COL9A2: variants seen among roughly 807,000 people sequenced by gnomAD.
COL9A2 encodes the protein collagen type IX alpha 2 chain.
Under a neutral mutation model 111.6 loss-of-function variants are expected in COL9A2, and 66 were observed. That is an observed-to-expected ratio of 0.59 (90% CI 0.48 to 0.73). COL9A2 has a LOEUF of 0.73. COL9A2 is among the 30% of genes least tolerant of loss of function. The probability of loss-of-function intolerance (pLI) is 0.00; values close to 1 mark genes in which losing one functional copy is unlikely to be tolerated. For synonymous variants in COL9A2, 353 were observed against 364.1 expected (o/e 0.97, Z 0.35); for missense variants, 881 against 954.1 (o/e 0.92, Z 1.01).
rs893012699 is a variant in COL9A2, at chr1:40,310,233, G to A, written c.738+31C>T. Reference sequence around the variant, plus strand: ...AGGGGCCAGAAGGCAGCTCCTGGAAGCTCTTGTAGAACACCCCAAGATTCA... The same window carrying A: ...AGGGGCCAGAAGGCAGCTCCTGGAAACTCTTGTAGAACACCCCAAGATTCA... On this transcript the variant is annotated intron_variant, in intron 14 of 31. Transcript: ENST00000372748. This position sits in a 1 kb window ranked among gnomAD's most constrained non-coding sequence, Gnocchi z 4.9. The A allele has an allele frequency of 1.2e-6, 2 of 1,613,920 alleles. No homozygotes were observed. The highest frequency in any genetic ancestry group is 8.5e-7 in the Non-Finnish European group (1 of 1,179,772).
intron 22 of COL9A2, 61 bp from the exon 23 acceptor site, chr1:40,304,590 C>T (rs543645717): frequency 4.6e-4 from 736 of 1,590,944 alleles, no homozygotes; most frequent in Non-Finnish European, 5.8e-4. Flanking sequence ...CCTCCCGCAC[C>T]GAGGCCTGGC....
At position 40,316,573 on chromosome 1, in the gene COL9A2, G is replaced by C. The variant is rs749157511; in HGVS notation, c.75+550C>G. 23 of 453,960 alleles carry C rather than the reference G, an allele frequency of 5.1e-5. No individual in the cohort carries two copies. Among genetic ancestry groups the C allele is most frequent in the Admixed American group, 2.8e-4 (12 of 42,418 alleles). 28.1% of individuals were successfully genotyped at this position (453,960 alleles called of 1,614,324 possible). A position where few individuals can be genotyped will look rare whatever the true frequency, so the allele number is the denominator to read the frequency against. On this transcript the variant is annotated intron_variant, in intron 1 of 31. Transcript: ENST00000372748. The surrounding 1 kb of genome is among the most constrained non-coding windows in gnomAD (Gnocchi z 5.5). ...CCGGTGCCCACGACCTCCCCAGGCC[G>C]CGAAGTGCCAGGCTGGCGCCCCGCA...
Position 40,311,476 on chromosome 1 carries a change from C to T in COL9A2, c.519+24G>A, listed in dbSNP as rs750582984. 5.6e-6 allele frequency: 9 copies of T among 1,613,306 alleles called. No individual in the cohort carries two copies. Among genetic ancestry groups the T allele is most frequent in the Non-Finnish European group, 7.6e-6 (9 of 1,179,614 alleles). On this transcript the variant is annotated intron_variant, in intron 10 of 31. Transcript: ENST00000372748. This position sits in a 1 kb window ranked among gnomAD's most constrained non-coding sequence, Gnocchi z 5.1. The stretch of plus-strand genomic sequence containing the variant: ...TGTGGCCCCGCCCCCCTGTGTTAGC[C>T]CCGCCCCAGACCTCGTCTCTCACCA...
At position 40,304,784 on chromosome 1, in the gene COL9A2, A is replaced by G. The variant is rs117563156; in HGVS notation, c.1161+10T>C. 2 of 1,549,924 alleles carry G rather than the reference A, an allele frequency of 1.3e-6. No homozygotes were observed. The highest frequency in any genetic ancestry group is 1.4e-5 in the African/African-American group (1 of 73,026). ...GCCCCCGGGGAGGGGCCATTGTGCCAGGCACTTACCTTCTGTCCCATGATG... is the reference window on the plus strand; with the variant it reads ...GCCCCCGGGGAGGGGCCATTGTGCCGGGCACTTACCTTCTGTCCCATGATG... On this transcript the variant is annotated intron_variant, in intron 22 of 31. Coordinates refer to ENST00000372748, the MANE Select transcript of COL9A2 (RefSeq NM_001852.4).
rs1644180043 is a variant in COL9A2, at chr1:40,314,234, C to T, written c.220G>A (p.Asp74Asn). The change falls in exon 4 of 32, where the codon GAT (aspartate) becomes AAT (asparagine). Residue 74 changes from aspartate (D) to asparagine (N), a missense_variant. Physicochemically the swap from Asp to Asn is conservative, Grantham distance 23. Coordinates refer to ENST00000372748, the MANE Select transcript of COL9A2 (RefSeq NM_001852.4). This position sits in a 1 kb window ranked among gnomAD's most constrained non-coding sequence, Gnocchi z 4.1. The stretch of plus-strand genomic sequence containing the variant: ...ATCCCGGGCTTCCCGTCTGGCCCAT[C>T]TGGCCCAGCTTTGCCAGGCTCGCCC... Reference protein sequence around the residue: ...PKGEPGKAGPDGPDGKPGIDG... With the variant: ...PKGEPGKAGPNGPDGKPGIDG... 4 of 1,614,264 alleles carry T rather than the reference C, an allele frequency of 2.5e-6. No homozygotes were observed. The East Asian group carries it at 8.9e-5, about 36-fold the overall frequency.
chr1:40,304,868 G>T, intron 21 of COL9A2, 21 bp from the exon 22 acceptor site: 1 of 1,548,072 alleles, frequency 6.5e-7, no homozygotes, highest in Non-Finnish European at 8.7e-7. Context: ...GAGAAATTGG[G>T]GCTAAGCGTT....
chr1:40,301,710 C>T, intron 31 of COL9A2, 102 bp downstream of exon 31: 1 of 1,137,792 alleles, frequency 8.8e-7, no homozygotes, highest in Non-Finnish European at 1.3e-6. Flanking sequence ...AAGGACTGAG[C>T]TGGCTGAGCG....
At chr1:40,306,049 G>A (rs1644024814) in intron 20 of COL9A2, 94 bp downstream of exon 20, 1 of 1,443,666 alleles carries the variant, frequency 6.9e-7, no homozygotes, top group South Asian at 1.1e-5. Flanking sequence ...TGTTCTGGCT[G>A]AGCCTCTGAG....
chr1:40,303,234 C>G lies in COL9A2; in HGVS notation c.1549-49G>C, dbSNP rs1347964197. The G allele has an allele frequency of 6.4e-7, 1 of 1,558,278 alleles. No homozygotes were observed. Among genetic ancestry groups the G allele is most frequent in the East Asian group, 2.3e-5 (1 of 43,456 alleles). On this transcript the variant is annotated intron_variant, in intron 28 of 31. Transcript: ENST00000372748. This position sits in a 1 kb window ranked among gnomAD's most constrained non-coding sequence, Gnocchi z 4.6. Reference sequence around the variant, plus strand: ...AGAAGCCCCTGGCTACAAGGGCCCACCGCTCCTATCCCACCTGGCTGAGCG... The same window carrying G: ...AGAAGCCCCTGGCTACAAGGGCCCAGCGCTCCTATCCCACCTGGCTGAGCG...
Position 40,302,144 on chromosome 1 carries a change from A to G in COL9A2, c.1793-255T>C, listed in dbSNP as rs1157683682. 6.6e-6 allele frequency among the ~76,000 whole-genome samples: 1 copy of G among 152,208 alleles called. No homozygotes were observed. On this transcript the variant is annotated intron_variant, in intron 30 of 31. Coordinates refer to ENST00000372748, the MANE Select transcript of COL9A2 (RefSeq NM_001852.4). The surrounding 1 kb of genome is among the most constrained non-coding windows in gnomAD (Gnocchi z 4.5). ...GCATTTACTGTGTCTCAGTGAACTAAGACAAACTCTATGTAAACTACTCTA... is the reference window on the plus strand; with the variant it reads ...GCATTTACTGTGTCTCAGTGAACTAGGACAAACTCTATGTAAACTACTCTA...
chr1:40,312,629 G>C lies in COL9A2; in HGVS notation c.304-20C>G, dbSNP rs1644149545. On this transcript the variant is annotated intron_variant, in intron 5 of 31. Coordinates refer to ENST00000372748, the MANE Select transcript of COL9A2 (RefSeq NM_001852.4). The surrounding 1 kb of genome is among the most constrained non-coding windows in gnomAD (Gnocchi z 6.0). ...CTGGCCCTGCAGAAGCAACGAGAAAGGCTCAGAGGCTGGGGTTTCCCCGGC... is the reference window on the plus strand; with the variant it reads ...CTGGCCCTGCAGAAGCAACGAGAAACGCTCAGAGGCTGGGGTTTCCCCGGC... 13 of 1,613,386 alleles carry C rather than the reference G, an allele frequency of 8.1e-6. No individual in the cohort carries two copies. Among genetic ancestry groups the C allele is most frequent in the African/African-American group, 1.3e-5 (1 of 74,916 alleles).
chr1:40,311,396 GC>G lies in COL9A2; in HGVS notation c.519+103del. The G allele has an allele frequency of 6.4e-7, 1 of 1,573,324 alleles. No individual in the cohort carries two copies. Among genetic ancestry groups the G allele is most frequent in the Admixed American group, 1.7e-5 (1 of 57,208 alleles). On this transcript the variant is annotated intron_variant, in intron 10 of 31. Coordinates refer to ENST00000372748, the MANE Select transcript of COL9A2 (RefSeq NM_001852.4). The surrounding 1 kb of genome is among the most constrained non-coding windows in gnomAD (Gnocchi z 5.1). ...CACCTGGTGGAACCCCTGCACTGCA[GC>G]CCCTCCCCATCTCTCCAGACACCCC...
At position 40,314,264 on chromosome 1, in the gene COL9A2, G is replaced by A; in HGVS notation, c.190C>T (p.Pro64Ser). ...GPPGKAGPPG[P>S]KGEPGKAGPD... The stretch of plus-strand genomic sequence containing the variant: ...CCAGCTTTGCCAGGCTCGCCCTTGG[G>A]TCCCTTGAAAACAGAGATGGAACAA... Residue 64 changes from proline (P) to serine (S), a missense_variant, in exon 4 of 32, where the codon CCC becomes TCC. Pro to Ser is a moderately conservative substitution (Grantham distance 74, BLOSUM62 -1). Transcript: ENST00000372748. The surrounding 1 kb of genome is among the most constrained non-coding windows in gnomAD (Gnocchi z 4.1). 6.2e-7 allele frequency: 1 copy of A among 1,614,248 alleles called. No homozygotes were observed. Among genetic ancestry groups the A allele is most frequent in the East Asian group, 2.2e-5 (1 of 44,882 alleles).
Position 40,314,501 on chromosome 1 carries a change from T to C in COL9A2, c.151-114A>G, listed in dbSNP as rs888110045. On this transcript the variant is annotated intron_variant, in intron 2 of 31. Coordinates refer to ENST00000372748, the MANE Select transcript of COL9A2 (RefSeq NM_001852.4). The surrounding 1 kb of genome is among the most constrained non-coding windows in gnomAD (Gnocchi z 4.1). ...GCTCTCCTCACTCTCCTCTCTTCTG[T>C]CCAGGTCCCCTAAGCCTTGCAATCT... The C allele has an allele frequency of 6.3e-5, 81 of 1,276,374 alleles. No homozygotes were observed. The highest frequency in any genetic ancestry group is 1.5e-4 in the African/African-American group (10 of 67,964). The allele number at this position is 1,276,374 out of a possible 1,614,324, so 79.1% of individuals were successfully genotyped here.
rs773776487 is a variant in COL9A2, at chr1:40,312,164, G to A, written c.364-52C>T. Reference sequence around the variant, plus strand: ...GATGCCTCAGAGGGTCAGATACCCTGGGCACAAAGGTAGAGACAGGCACCC... The same window carrying A: ...GATGCCTCAGAGGGTCAGATACCCTAGGCACAAAGGTAGAGACAGGCACCC... On this transcript the variant is annotated intron_variant, in intron 7 of 31. Coordinates refer to ENST00000372748, the MANE Select transcript of COL9A2 (RefSeq NM_001852.4). The surrounding 1 kb of genome is among the most constrained non-coding windows in gnomAD (Gnocchi z 6.0). The A allele has an allele frequency of 2.0e-5, 30 of 1,506,646 alleles. No homozygotes were observed. The South Asian group carries it at 3.2e-4, about 16-fold the overall frequency. The allele number at this position is 1,506,646 out of a possible 1,614,324, so 93.3% of individuals were successfully genotyped here.
chr1:40,303,801 A>G lies in COL9A2; in HGVS notation c.1401+6T>C. ...AGTCGGAGAACGCCGGGAGGGGAGG[A>G]CTCACCTGTCCCTTGGGCCCCGGCT... is the stretch of plus-strand genomic sequence containing the variant. On this transcript the variant is annotated splice_donor_region_variant and intron_variant, in intron 27 of 31. Transcript: ENST00000372748. This position sits in a 1 kb window ranked among gnomAD's most constrained non-coding sequence, Gnocchi z 4.6. 1.3e-6 allele frequency: 2 copies of G among 1,562,872 alleles called. No individual in the cohort carries two copies. Among genetic ancestry groups the G allele is most frequent in the East Asian group, 2.3e-5 (1 of 42,570 alleles).
Position 40,309,953 on chromosome 1 carries a change from C to T in COL9A2, c.831G>A (p.Gly277=), listed in dbSNP as rs376517036. ...EGPRGPPGRA[G]EKGDEGSPGI... ...GAGGACTCACCTCGTCACCCTTCTC[C>T]CCAGCTCGGCCTGGCGGTCCCCTAG... Residue 277 remains glycine (G), a synonymous_variant, in exon 16 of 32, where the codon GGG becomes GGA. Transcript: ENST00000372748. 8.7e-6 allele frequency: 14 copies of T among 1,613,874 alleles called. No homozygotes were observed. Among genetic ancestry groups the T allele is most frequent in the South Asian group, 3.3e-5 (3 of 91,072 alleles).
rs1643906738 is a variant in COL9A2, at chr1:40,301,040, C to T, written c.*142G>A. The T allele has an allele frequency of 1.2e-6, 1 of 846,378 alleles. No individual in the cohort carries two copies. The allele number at this position is 846,378 out of a possible 1,614,324, so 52.4% of individuals were successfully genotyped here. On this transcript the variant is annotated 3_prime_UTR_variant, in exon 32 of 32. Coordinates refer to ENST00000372748, the MANE Select transcript of COL9A2 (RefSeq NM_001852.4). Reference sequence around the variant, plus strand: ...TCCCCTTCCCCCATGTTTTAGAATTCCTTTTCCTTAGGACTCCTGAGTCCC... The same window carrying T: ...TCCCCTTCCCCCATGTTTTAGAATTTCTTTTCCTTAGGACTCCTGAGTCCC...
Position 40,307,873 on chromosome 1 carries a change from T to C in COL9A2, c.901-117A>G. ...TGCAGGGAGGGAGTGGCTCTGGTCA[T>C]CCCAGGAAGCCCCACTGGCCAACTG... is the stretch of plus-strand genomic sequence containing the variant. On this transcript the variant is annotated intron_variant, in intron 17 of 31. Coordinates refer to ENST00000372748, the MANE Select transcript of COL9A2 (RefSeq NM_001852.4). This position sits in a 1 kb window ranked among gnomAD's most constrained non-coding sequence, Gnocchi z 4.8. 1 of 1,168,062 alleles carries C rather than the reference T, an allele frequency of 8.6e-7. No homozygotes were observed. Among genetic ancestry groups the C allele is most frequent in the Non-Finnish European group, 1.3e-6 (1 of 795,976 alleles). The allele number at this position is 1,168,062 out of a possible 1,614,324, so 72.4% of individuals were successfully genotyped here.
Sources: gnomAD v4.1 joint callset for allele counts (sites outside exome capture counted in the v4.1 genomes callset) on GRCh38, gnomAD v4.1.1 for gene constraint, Gnocchi (gnomAD v3.1) non-coding constraint, MANE v1.5 for transcripts, NCBI Gene and HGNC (gene_info 2026-07-23, HGNC 2026-07-21) for gene names.